TRPM3: variants seen among roughly 807,000 people sequenced by gnomAD.
TRPM3 encodes long transient receptor potential channel 3.
In TRPM3, 77 loss-of-function variants were observed where a neutral mutation model predicts 181.2. The ratio of observed to expected loss-of-function variants is 0.42; its 90% CI spans 0.35 to 0.51. The LOEUF (loss-of-function observed/expected upper bound fraction) is 0.51, where lower values mean the gene tolerates loss of function less well. TRPM3 is among the 20% of genes least tolerant of loss of function. The pLI is 0.01. For synonymous variants in TRPM3, 745 were observed against 796.4 expected (o/e 0.94, Z 1.09); for missense variants, 1,759 against 2,196.7 (o/e 0.80, Z 3.98).
chr9:71,209,268 A>G (rs1356004418), intron 1 of TRPM3, among the ~76,000 whole-genome samples: 1 of 151,886 alleles, frequency 6.6e-6, no homozygotes, highest in Non-Finnish European at 1.5e-5. Context: ...AGATGAGGAA[A>G]CCAATTCCAA....
intron 1 of TRPM3, among the ~76,000 whole-genome samples, chr9:71,352,537 G>A (rs115706729): frequency 0.016 from 2,408 of 152,156 alleles, 40 homozygotes; most frequent in African/African-American, 0.047. Flanking sequence ...CAAAATATTC[G>A]CATATAGTGT....
intron 1 of TRPM3, among the ~76,000 whole-genome samples, chr9:71,322,110 G>T (rs1014335398): frequency 2.6e-5 from 4 of 152,052 alleles, no homozygotes; most frequent in African/African-American, 9.7e-5. Context: ...CAACATTTTT[G>T]GTTGTATAGA....
At chr9:70,579,603 G>C (rs2055080783) in intron 22 of TRPM3, 1 of 152,230 alleles carries the variant, frequency 6.6e-6, no homozygotes, top group Non-Finnish European at 1.5e-5. Context: ...GATGGGGTTT[G>C]GAGGAGGAGA....
chr9:70,738,911 T>A (rs531156356), intron 8 of TRPM3, among the ~76,000 whole-genome samples: 9 of 152,012 alleles, frequency 5.9e-5, no homozygotes, highest in Admixed American at 5.3e-4. Flanking sequence ...TATACAGCAC[T>A]CCCTAGATTA....
At chr9:71,137,344 C>T (rs2074829955) in intron 1 of TRPM3, among the ~76,000 whole-genome samples, 2 of 152,148 alleles carry the variant, frequency 1.3e-5, no homozygotes, top group South Asian at 4.1e-4. Flanking sequence ...AAAGAACTAA[C>T]ATCAAATACA....
chr9:71,187,963 T>C (rs1053424022), intron 1 of TRPM3, among the ~76,000 whole-genome samples: 1 of 151,548 alleles, frequency 6.6e-6, no homozygotes, highest in African/African-American at 2.4e-5. Context: ...CATCGCATTT[T>C]TTAAAAAAGT....
At chr9:70,978,169 C>T (rs1014813854) in intron 1 of TRPM3, among the ~76,000 whole-genome samples, 1 of 152,146 alleles carries the variant, frequency 6.6e-6, no homozygotes, top group Admixed American at 6.5e-5. Context: ...GTTTTAGAAG[C>T]TTTGTGTTAG....
intron 6 of TRPM3, among the ~76,000 whole-genome samples, chr9:70,823,733 C>T (rs1046553936): frequency 6.6e-6 from 1 of 152,212 alleles, no homozygotes; most frequent in South Asian, 2.1e-4. Flanking sequence ...TGTTGCTATT[C>T]TAGACCTTAA....
chr9:71,437,017 A>G (rs1293850182), intron 1 of TRPM3, among the ~76,000 whole-genome samples: 4 of 152,222 alleles, frequency 2.6e-5, no homozygotes, highest in Admixed American at 2.6e-4. Flanking sequence ...TAATGGGTCA[A>G]ATATTTTCTT....
At chr9:70,548,173 G>A (rs1426624773) in intron 25 of TRPM3, among the ~76,000 whole-genome samples, 1 of 152,190 alleles carries the variant, frequency 6.6e-6, no homozygotes, top group Non-Finnish European at 1.5e-5. Context: ...ATGGTTATAT[G>A]TCCATTAATA....
chr9:70,619,227 T>C lies in TRPM3; in HGVS notation c.2130-132A>G, dbSNP rs1055855698. ...GTGTTTCATATGGGGTCTAGTCTGT[T>C]TGTAAATTCATCCAGCCAACATCCA... On this transcript the variant is annotated intron_variant, in intron 16 of 25. Transcript: ENST00000677713. 3.0e-5 allele frequency: 21 copies of C among 698,602 alleles called. No individual in the cohort carries two copies. In the African/African-American group the frequency reaches 3.4e-4, roughly 11 times the overall value. The allele number at this position is 698,602 out of a possible 1,614,324, so 43.3% of individuals were successfully genotyped here. A position where few individuals can be genotyped will look rare whatever the true frequency, so the allele number is the denominator to read the frequency against.
At chr9:70,905,761 G>GAA (rs1450264457) in intron 1 of TRPM3, among the ~76,000 whole-genome samples, 2 of 141,090 alleles carry the variant, frequency 1.4e-5, no homozygotes, top group African/African-American at 5.1e-5. Context: ...TTTTTCTTTT[G>GAA]AGACAGCGTC....
chr9:71,421,931 T>C (rs1462997628), intron 1 of TRPM3, among the ~76,000 whole-genome samples: 1 of 151,982 alleles, frequency 6.6e-6, no homozygotes, highest in East Asian at 1.9e-4. Flanking sequence ...TTCCCACAAT[T>C]TGCCACCCCT....
At chr9:71,096,726 G>A (rs1341368286) in intron 1 of TRPM3, among the ~76,000 whole-genome samples, 4 of 151,780 alleles carry the variant, frequency 2.6e-5, no homozygotes, top group Middle Eastern at 6.8e-3. Flanking sequence ...ATCATTATCT[G>A]TAAACAAACA....
intron 1 of TRPM3, among the ~76,000 whole-genome samples, chr9:71,021,621 T>C (rs573093156): frequency 2.7e-4 from 41 of 152,258 alleles, no homozygotes; most frequent in Non-Finnish European, 2.2e-4. Flanking sequence ...AACAAGACAA[T>C]TATCATTACA....
intron 20 of TRPM3, 42 bp downstream of exon 20, chr9:70,603,300 C>A (rs1410262584): frequency 6.3e-7 from 1 of 1,598,742 alleles, no homozygotes; most frequent in African/African-American, 1.3e-5. Context: ...TAGAACTTAA[C>A]CACTGTCTTT....
chr9:70,564,651 G>A (rs1464467405), intron 22 of TRPM3, among the ~76,000 whole-genome samples: 1 of 152,166 alleles, frequency 6.6e-6, no homozygotes, highest in Non-Finnish European at 1.5e-5. Flanking sequence ...GGCTCTCTGT[G>A]CCTGGAAGGA....
At chr9:70,616,298 G>T (rs992930177) in intron 17 of TRPM3, among the ~76,000 whole-genome samples, 1 of 151,906 alleles carries the variant, frequency 6.6e-6, no homozygotes, top group Non-Finnish European at 1.5e-5. Context: ...TCCCATCTAG[G>T]AAATATTTTG....
rs1279899405 is a variant in TRPM3 at position 70,846,712 on chromosome 9, T to A, written c.463-121A>T. 7.8e-6 allele frequency: 6 copies of A among 768,612 alleles called. No homozygotes were observed. In the East Asian group the frequency reaches 1.6e-4, roughly 20 times the overall value. The allele number at this position is 768,612 out of a possible 1,614,324, so 47.6% of individuals were successfully genotyped here. The stretch of plus-strand genomic sequence containing the variant: ...AAAAACGTCTCATATAAAATCAGAT[T>A]TTTTTAAAAGGGGTGATCATTTGCT... On this transcript the variant is annotated intron_variant, in intron 3 of 25. Transcript: ENST00000677713.
Sources: allele counts gnomAD v4.1 joint callset (sites outside exome capture counted in the v4.1 genomes callset), GRCh38; gene constraint gnomAD v4.1.1; transcripts MANE v1.5; gene names NCBI Gene and HGNC (gene_info 2026-07-23, HGNC 2026-07-21).